The following TRO variants were observed in gnomAD, a reference collection of about 807,000 sequenced individuals.
TRO encodes the protein MAGE superfamily protein.
In TRO, 29 loss-of-function variants were observed where a neutral mutation model predicts 42.3. The ratio of observed to expected loss-of-function variants is 0.68; its 90% CI spans 0.51 to 0.93. The LOEUF is 0.93. TRO is among the 40% of genes least tolerant of loss of function. The probability of loss-of-function intolerance (pLI) is 0.00; values close to 1 mark genes in which losing one functional copy is unlikely to be tolerated. For synonymous variants in TRO, 384 were observed against 425.2 expected (o/e 0.90, Z 1.19); for missense variants, 963 against 1,127.7 (o/e 0.85, Z 2.09).
chrX:54,927,669 A>G lies in TRO; in HGVS notation c.1766A>G (p.Tyr589Cys). The G allele has an allele frequency of 8.3e-7, 1 of 1,205,050 alleles. No homozygotes were observed. The highest frequency in any genetic ancestry group is 1.1e-6 in the Non-Finnish European group (1 of 890,239). The stretch of plus-strand genomic sequence containing the variant: ...AAGTTTCATTTCCTTTTTCCAAGGT[A>G]CCTGGAGTACAAGAGGGTCCCTAAC... ...LITDEFVKQK[Y>C]LEYKRVPNSR... The change falls in exon 11 of 13, where the codon TAC (tyrosine) becomes TGC (cysteine). Residue 589 changes from tyrosine (Y) to cysteine (C), a missense_variant and splice_region_variant. Around this residue, in one of 2 missense-constraint regions of TRO, gnomAD observed 641 missense variants for 811.3 expected, o/e 0.79. Transcript: ENST00000173898.
In TRO at chrX:54,930,006, C is replaced by T. The variant is rs761876521; in HGVS notation, c.3282C>T (p.Ile1094=). 1.6e-6 allele frequency: 2 copies of T among 1,212,158 alleles called. No individual in the cohort carries two copies. The highest frequency in any genetic ancestry group is 3.0e-5 in the East Asian group (1 of 33,854). The change falls in exon 12 of 13, where the codon ATC becomes ATT. Residue 1094 remains isoleucine, a synonymous_variant. Coordinates refer to ENST00000173898, the MANE Select transcript of TRO (RefSeq NM_001039705.3). ...STSACFSGAP[I]TNPGFGGAFS... ...GTGCTTGCTTCAGTGGTGCACCAAT[C>T]ACCAACCCTGGCTTTGGCGGTGCAT...
At chrX:54,926,256 G>A (rs1932747187) in intron 7 of TRO, among the ~76,000 whole-genome samples, 154 bp from the exon 8 acceptor site, 2 of 112,699 alleles carry the variant, frequency 1.8e-5, no homozygotes, top group Admixed American at 9.4e-5. Flanking sequence ...AGAGCTGGAA[G>A]CAGAGACTGG....
Position 54,931,024 on chromosome X carries a change from G to A in TRO, c.*4G>A. 8.5e-7 allele frequency: 1 copy of A among 1,180,527 alleles called. No homozygotes were observed. The highest frequency in any genetic ancestry group is 1.9e-5 in the South Asian group (1 of 51,893). Reference sequence around the variant, plus strand: ...CTGTGGCTTCTCGTATGGCTAGTGAGGTTTCAGGTAACTGCAATATTTCCA... The same window carrying A: ...CTGTGGCTTCTCGTATGGCTAGTGAAGTTTCAGGTAACTGCAATATTTCCA... On this transcript the variant is annotated 3_prime_UTR_variant, in exon 12 of 13. Coordinates refer to ENST00000173898, the MANE Select transcript of TRO (RefSeq NM_001039705.3).
intron 11 of TRO, 102 bp from the exon 12 acceptor site, chrX:54,928,501 A>T: frequency 1.0e-6 from 1 of 998,685 alleles, no homozygotes; most frequent in South Asian, 2.8e-5. Context: ...CCAATAACTG[A>T]GAAGTTTAAA....
In TRO at chrX:54,925,087, C is replaced by T. The variant is rs780090191; in HGVS notation, c.1485+19C>T. 6.8e-5 allele frequency: 81 copies of T among 1,189,469 alleles called. No homozygotes were observed. The South Asian group carries it at 1.3e-3, about 18-fold the overall frequency. On this transcript the variant is annotated intron_variant, in intron 6 of 12. Transcript: ENST00000173898. Reference sequence around the variant, plus strand: ...GGAGAAGGTGAAGGGGCAGTGCTGGCGGATGGGCGCAATGGGGAAGCTTTG... The same window carrying T: ...GGAGAAGGTGAAGGGGCAGTGCTGGTGGATGGGCGCAATGGGGAAGCTTTG...
At position 54,930,904 on chromosome X, in the gene TRO, G is replaced by A. The variant is rs765508609; in HGVS notation, c.4180G>A (p.Ala1394Thr). 2.5e-6 allele frequency: 3 copies of A among 1,211,007 alleles called. No individual in the cohort carries two copies. The highest frequency in any genetic ancestry group is 3.4e-6 in the Non-Finnish European group (3 of 895,184). Residue 1394 changes from alanine (A) to threonine (T), a missense_variant, in exon 12 of 13, where the codon GCT becomes ACT. Coordinates refer to ENST00000173898, the MANE Select transcript of TRO (RefSeq NM_001039705.3). ...CTTCAGCGGTGGACCGAGCACAGGA[G>A]CTGGCTTCGGCGGTGGACCAAACAC... The part of the protein sequence containing the change: ...SGFSGGPSTG[A>T]GFGGGPNTGA...
Position 54,930,818 on chromosome X carries a change from T to C in TRO, c.4094T>C (p.Val1365Ala), listed in dbSNP as rs769429306. Residue 1365 changes from valine (V) to alanine (A), a missense_variant, in exon 12 of 13, where the codon GTT becomes GCT. Physicochemically the swap from Val to Ala is moderately conservative, Grantham distance 64 (BLOSUM62 0). Coordinates refer to ENST00000173898, the MANE Select transcript of TRO (RefSeq NM_001039705.3). ...TGFSSGPSSIVGFSGGPSTGV... is the reference protein window; with the variant it reads ...TGFSSGPSSIAGFSGGPSTGV... ...TTCAGTAGTGGACCCAGTTCTATTG[T>C]TGGCTTCAGCGGTGGACCAAGCACT... 8.3e-7 allele frequency: 1 copy of C among 1,211,518 alleles called. No homozygotes were observed. The highest frequency in any genetic ancestry group is 3.0e-5 in the East Asian group (1 of 33,815).
Position 54,922,677 on chromosome X carries a change from T to C in TRO, c.145T>C (p.Leu49=). 4.1e-6 allele frequency: 5 copies of C among 1,211,416 alleles called. No homozygotes were observed. Among genetic ancestry groups the C allele is most frequent in the Non-Finnish European group, 5.6e-6 (5 of 895,402 alleles). The part of the protein sequence containing the change: ...EDSVLLMHTL[L]AATKDSLAMD... ...CAGTGTCCTGCTGATGCATACCCTG[T>C]TGGCGGCAACCAAGGACTCCCTGGC... Residue 49 remains leucine, a synonymous_variant, in exon 3 of 13, where the codon TTG becomes CTG. Coordinates refer to ENST00000173898, the MANE Select transcript of TRO (RefSeq NM_001039705.3).
At position 54,930,072 on chromosome X, in the gene TRO, T is replaced by G. The variant is rs754657825; in HGVS notation, c.3348T>G (p.Ala1116=). Residue 1116 remains alanine, a synonymous_variant, in exon 12 of 13, where the codon GCT becomes GCG. Transcript: ENST00000173898. ...SAGFGGALST[A]ADFGGTPSNS... ...GCTTCGGTGGGGCACTTAGTACCGC[T>G]GCTGACTTCGGTGGTACTCCCAGCA... 1 of 1,208,446 alleles carries G rather than the reference T, an allele frequency of 8.3e-7. No individual in the cohort carries two copies. The highest frequency in any genetic ancestry group is 1.1e-6 in the Non-Finnish European group (1 of 893,281).
At position 54,929,169 on chromosome X, in the gene TRO, C is replaced by CA; in HGVS notation, c.2446dup (p.Met816AsnfsTer9). On this transcript the variant is annotated frameshift_variant, in exon 12 of 13. Coordinates refer to ENST00000173898, the MANE Select transcript of TRO (RefSeq NM_001039705.3). LOFTEE classifies it low-confidence loss of function (END_TRUNC). ...GTGAAGCCAGCATTAGCTTTGGTGG[C>CA]ATGCCTTGTACCAGTGCCAGCTTTA... The CA allele has an allele frequency of 8.2e-7, 1 of 1,212,272 alleles. No individual in the cohort carries two copies. Among genetic ancestry groups the CA allele is most frequent in the Non-Finnish European group, 1.1e-6 (1 of 895,604 alleles).
At position 54,926,424 on chromosome X, in the gene TRO, C is replaced by T. The variant is rs759934765; in HGVS notation, c.1592C>T (p.Pro531Leu). The T allele has an allele frequency of 1.7e-6, 2 of 1,211,732 alleles. No homozygotes were observed. Among genetic ancestry groups the T allele is most frequent in the Non-Finnish European group, 2.2e-6 (2 of 895,320 alleles). Residue 531 changes from proline (P) to leucine (L), a missense_variant, in exon 8 of 13, where the codon CCC becomes CTC. Physicochemically the swap from Pro to Leu is moderately conservative, Grantham distance 98. Around this residue, in one of 2 missense-constraint regions of TRO, gnomAD observed 641 missense variants for 811.3 expected, o/e 0.79. Coordinates refer to ENST00000173898, the MANE Select transcript of TRO (RefSeq NM_001039705.3). ...AGILGTTKDT[P>L]KLGLLMVILS... ...TATTCCCTTAGGACCAAGGACACAC[C>T]CAAGCTGGGTCTCCTCATGGTGATT...
In TRO at chrX:54,925,789, CAG is replaced by C. The variant is rs1233714878; in HGVS notation, c.1577+107_1577+108del. On this transcript the variant is annotated intron_variant, in intron 7 of 12. Transcript: ENST00000173898. Reference sequence around the variant, plus strand: ...CATCCTCTTAGAGAGTCAGGAAAAACAGGGTCTCAAAAGCCCTGTCTCAGCAC... The same window carrying C: ...CATCCTCTTAGAGAGTCAGGAAAAACGGTCTCAAAAGCCCTGTCTCAGCAC... 23 of 688,004 alleles carry C rather than the reference CAG, an allele frequency of 3.3e-5. No individual in the cohort carries two copies. In the South Asian group the frequency reaches 5.6e-4, roughly 17 times the overall value. The allele number at this position is 688,004 out of a possible 1,213,427, so 56.7% of individuals were successfully genotyped here.
Position 54,931,025 on chromosome X carries a change from GTTTCAGGTAACTGCAATA to G in TRO, c.*10_*11+16del. 8.5e-7 allele frequency: 1 copy of G among 1,180,059 alleles called. No individual in the cohort carries two copies. Among genetic ancestry groups the G allele is most frequent in the African/African-American group, 1.7e-5 (1 of 57,151 alleles). On this transcript the variant is annotated splice_donor_variant and splice_donor_5th_base_variant and 3_prime_UTR_variant and intron_variant, in exon 12 of 13. Coordinates refer to ENST00000173898, the MANE Select transcript of TRO (RefSeq NM_001039705.3). LOFTEE classifies it low-confidence loss of function (3UTR_SPLICE). ...TGTGGCTTCTCGTATGGCTAGTGAGGTTTCAGGTAACTGCAATATTTCCATAGCCAGGACCCACAGGGA... is the reference window on the plus strand; with the variant it reads ...TGTGGCTTCTCGTATGGCTAGTGAGGTTTCCATAGCCAGGACCCACAGGGA...
intron 1 of TRO, chrX:54,921,942 G>A (rs12835366): frequency 7.6e-6 from 2 of 263,481 alleles, no homozygotes; most frequent in African/African-American, 5.7e-5. Context: ...GTGGGCCTAA[G>A]ATGGGGGGTG....
rs780044203 is a variant in TRO at position 54,930,776 on chromosome X, C to G, written c.4052C>G (p.Pro1351Arg). 8.3e-7 allele frequency: 1 copy of G among 1,212,078 alleles called. No individual in the cohort carries two copies. Among genetic ancestry groups the G allele is most frequent in the Non-Finnish European group, 1.1e-6 (1 of 895,561 alleles). ...ACCAGCACTGGCTTTACTGGCGAAC[C>G]CAGCACCAGCACGGGCTTCAGTAGT... ...SNTSTGFTGEPSTSTGFSSGP... is the reference protein window; with the variant it reads ...SNTSTGFTGERSTSTGFSSGP... Residue 1351 changes from proline to arginine, a missense_variant, in exon 12 of 13, where the codon CCC (proline) becomes CGC (arginine). Physicochemically the swap from Pro to Arg is moderately radical, Grantham distance 103. Coordinates refer to ENST00000173898, the MANE Select transcript of TRO (RefSeq NM_001039705.3).
Position 54,923,626 on chromosome X carries a change from AG to A in TRO, c.1096del (p.Ala366ProfsTer3). The stretch of plus-strand genomic sequence containing the variant: ...ACTCCAAATGCTGACCAAGGGGCCC[AG>A]GCCAAGATAGCCTCTGCTCAGACCA... The part of the protein sequence containing the change: ...SQTPNADQGA[Q>X]AKIASAQTNV... On this transcript the variant is annotated frameshift_variant, in exon 3 of 13. Transcript: ENST00000173898. 1 of 1,208,628 alleles carries A rather than the reference AG, an allele frequency of 8.3e-7. No homozygotes were observed. The highest frequency in any genetic ancestry group is 1.1e-6 in the Non-Finnish European group (1 of 893,674).
At chrX:54,928,458 A>G in intron 11 of TRO, 145 bp from the exon 12 acceptor site, 2 of 687,502 alleles carry the variant, frequency 2.9e-6, no homozygotes, top group South Asian at 4.5e-5. Flanking sequence ...GCAGAGCTGA[A>G]ACTGGAGTTC....
At chrX:54,921,024 G>T (rs1327427368) in intron 1 of TRO, 146 bp downstream of exon 1, 1 of 111,360 alleles carries the variant, frequency 9.0e-6, no homozygotes, top group Admixed American at 9.5e-5. Flanking sequence ...GCCTTTAGCG[G>T]TGCCTGGACC....
chrX:54,927,722 T>C lies in TRO; in HGVS notation c.1819T>C (p.Trp607Arg). 1 of 1,211,791 alleles carries C rather than the reference T, an allele frequency of 8.3e-7. No individual in the cohort carries two copies. The highest frequency in any genetic ancestry group is 1.1e-6 in the Non-Finnish European group (1 of 895,497). Residue 607 changes from tryptophan to arginine, a missense_variant, in exon 11 of 13, where the codon TGG (tryptophan) becomes CGG (arginine). Trp to Arg is a moderately radical substitution (Grantham distance 101). Transcript: ENST00000173898. ...NSRPPEYEFF[W>R]GLRSYHETSK... The stretch of plus-strand genomic sequence containing the variant: ...CAGACCACCTGAATATGAGTTCTTC[T>C]GGGGCTTGCGCTCCTACCACGAGAC...
Sources: allele counts gnomAD v4.1 joint callset (sites outside exome capture counted in the v4.1 genomes callset), GRCh38; gene constraint gnomAD v4.1.1; regional missense constraint gnomAD v4.1.1; transcripts MANE v1.5; gene names NCBI Gene and HGNC (gene_info 2026-07-23, HGNC 2026-07-21).